Variants in CDH18 observed in about 807,000 individuals in gnomAD.
CDH18 encodes cadherin-18.
CDH18 carries 31 observed loss-of-function variants against 67.9 expected under a neutral mutation model. That is an observed-to-expected ratio of 0.46 (90% CI 0.34 to 0.62). The LOEUF is 0.62. CDH18 is among the 20% of genes least tolerant of loss of function. CDH18 has a pLI of 0.01. For missense variants in CDH18, 890 were observed against 975.5 expected (o/e 0.91, Z 1.17); for synonymous variants, 362 against 347.2 (o/e 1.04, Z -0.48).
chr5:20,385,983 A>T (rs1744283122), intron 1 of CDH18, among the ~76,000 whole-genome samples: 1 of 152,210 alleles, frequency 6.6e-6, no homozygotes, highest in Non-Finnish European at 1.5e-5. Flanking sequence ...TAGTTGTTAC[A>T]CATAATTTAA....
chr5:20,348,268 A>T (rs936659700), intron 1 of CDH18, among the ~76,000 whole-genome samples: 1 of 152,202 alleles, frequency 6.6e-6, no homozygotes, highest in Admixed American at 6.5e-5. Context: ...CAACAAAGAG[A>T]CATCCATTAA....
chr5:19,925,132 G>A (rs1243656239), intron 2 of CDH18, among the ~76,000 whole-genome samples: 1 of 151,968 alleles, frequency 6.6e-6, no homozygotes, highest in Non-Finnish European at 1.5e-5. Flanking sequence ...AAATCATAAG[G>A]AAGACACAGG....
At chr5:19,757,888 G>A (rs2149692854) in intron 3 of CDH18, among the ~76,000 whole-genome samples, 1 of 152,290 alleles carries the variant, frequency 6.6e-6, no homozygotes, top group Admixed American at 6.5e-5. Flanking sequence ...CTTCACCGTT[G>A]TCCTTCAGGG....
intron 1 of CDH18, among the ~76,000 whole-genome samples, chr5:20,560,246 CT>C (rs1439635895): frequency 1.3e-5 from 2 of 152,008 alleles, no homozygotes. Flanking sequence ...ACTTTCATGA[CT>C]TTTAAACAGT....
chr5:20,236,770 A>G (rs1016608170), intron 2 of CDH18, among the ~76,000 whole-genome samples: 10 of 152,076 alleles, frequency 6.6e-5, no homozygotes, highest in African/African-American at 1.9e-4. Context: ...GAAGAAATCA[A>G]ACAAATACTA....
At chr5:19,762,348 C>T (rs1019974183) in intron 3 of CDH18, among the ~76,000 whole-genome samples, 5 of 152,104 alleles carry the variant, frequency 3.3e-5, no homozygotes, top group South Asian at 2.1e-4. Flanking sequence ...CCTCATCTGT[C>T]AAAGGGCTAA....
At chr5:19,491,241 C>A (rs1195095756) in intron 11 of CDH18, among the ~76,000 whole-genome samples, 2 of 152,146 alleles carry the variant, frequency 1.3e-5, no homozygotes, top group African/African-American at 4.8e-5. Context: ...ACAGTTACAG[C>A]CACATCCATT....
intron 3 of CDH18, among the ~76,000 whole-genome samples, chr5:19,794,870 C>G (rs546629411): frequency 6.6e-6 from 1 of 151,988 alleles, no homozygotes; most frequent in South Asian, 2.1e-4. Flanking sequence ...AATTATAAAC[C>G]CTGGAAGTCA....
chr5:19,593,707 CCTTCTT>C (rs1554054958), intron 6 of CDH18, among the ~76,000 whole-genome samples: 62 of 33,150 alleles, frequency 1.9e-3, no homozygotes, highest in South Asian at 5.2e-3. Flanking sequence ...TCCTCCTCCT[CCTTCTT>C]CTTCTTCTTC....
chr5:19,703,631 C>A (rs1475698693), intron 5 of CDH18, among the ~76,000 whole-genome samples: 2 of 152,078 alleles, frequency 1.3e-5, no homozygotes, highest in Non-Finnish European at 2.9e-5. Flanking sequence ...AGTGACTGCT[C>A]TCAGTTCTAT....
At chr5:20,534,179 TAAC>T (rs977781051) in intron 1 of CDH18, among the ~76,000 whole-genome samples, 2 of 152,032 alleles carry the variant, frequency 1.3e-5, no homozygotes, top group South Asian at 2.1e-4. Flanking sequence ...CAAATAAAGA[TAAC>T]AATTCAACAA....
At chr5:19,988,253 C>T (rs1579964654), upstream of CDH18, 2 of 152,414 alleles carry the variant, frequency 1.3e-5, no homozygotes, top group South Asian at 4.1e-4. Context: ...CTGCAGCTCC[C>T]GAGCGCGCCT....
At chr5:20,249,242 A>G (rs2974600) in intron 2 of CDH18, among the ~76,000 whole-genome samples, 73,976 of 151,946 alleles carry the variant, frequency 0.49, 18,428 homozygotes, top group African/African-American at 0.61. Flanking sequence ...TCATCAAAAT[A>G]GTGTAAGTTT....
chr5:19,552,567 CACT>C (rs1234881069), intron 8 of CDH18, among the ~76,000 whole-genome samples: 1 of 152,138 alleles, frequency 6.6e-6, no homozygotes, highest in Non-Finnish European at 1.5e-5. Flanking sequence ...ACCCTATCAC[CACT>C]ACATGTTCAC....
At chr5:20,227,893 T>G (rs1335286766) in intron 2 of CDH18, among the ~76,000 whole-genome samples, 1 of 152,118 alleles carries the variant, frequency 6.6e-6, no homozygotes, top group African/African-American at 2.4e-5. Context: ...CTCTTCTCTG[T>G]CACAGGTATC....
chr5:20,183,327 G>A (rs572734882), intron 2 of CDH18, among the ~76,000 whole-genome samples: 96 of 151,984 alleles, frequency 6.3e-4, no homozygotes, highest in Non-Finnish European at 1.2e-3. Flanking sequence ...TAATTATTCC[G>A]TGTAATGTGT....
chr5:20,103,743 A>G (rs1334237012), intron 2 of CDH18, among the ~76,000 whole-genome samples: 3 of 151,556 alleles, frequency 2.0e-5, no homozygotes, highest in Non-Finnish European at 4.4e-5. Context: ...AAAAAAAAAA[A>G]GAAAAATATA....
chr5:19,910,871 T>C (rs1791062660), intron 2 of CDH18, among the ~76,000 whole-genome samples: 1 of 152,036 alleles, frequency 6.6e-6, no homozygotes, highest in South Asian at 2.1e-4. Context: ...CTCTAAATTC[T>C]GGAAAAGATA....
intron 5 of CDH18, among the ~76,000 whole-genome samples, chr5:19,693,841 A>G (rs1195156326): frequency 6.7e-6 from 1 of 150,178 alleles, no homozygotes; most frequent in East Asian, 2.0e-4. Flanking sequence ...GGTTGCAGTG[A>G]GCCAAGATCA....
Sources: gnomAD v4.1 joint callset for allele counts (sites outside exome capture counted in the v4.1 genomes callset) on GRCh38, gnomAD v4.1.1 for gene constraint, MANE v1.5 for transcripts, NCBI Gene and HGNC (gene_info 2026-07-23, HGNC 2026-07-21) for gene names.